DNAH17: variants seen among roughly 807,000 people sequenced by gnomAD.
DNAH17 encodes the protein axonemal beta dynein heavy chain 17.
Under a neutral mutation model 485.6 loss-of-function variants are expected in DNAH17, and 376 were observed. The ratio of observed to expected loss-of-function variants is 0.77; its 90% confidence interval spans 0.71 to 0.84. DNAH17 has a LOEUF of 0.84. Among genes scored for constraint, DNAH17 ranks in the 40% least tolerant of loss-of-function variants. The pLI, the probability that DNAH17 is intolerant of heterozygous loss-of-function variation, is 0.00. For missense variants in DNAH17, 6,370 were observed against 5,839.3 expected, an observed-to-expected ratio of 1.09 and a Z score of -2.96; for synonymous variants, 3,031 against 2,405.9, an observed-to-expected ratio of 1.26 and a Z score of -7.60.
intron 70 of DNAH17, among the ~76,000 whole-genome samples, chr17:78,445,020 C>T (rs995679159): frequency 3.3e-5 from 5 of 152,126 alleles, no homozygotes; most frequent in Non-Finnish European, 2.9e-5. Flanking sequence ...GTCTAACCTG[C>T]GGACATGAGG....
intron 75 of DNAH17, among the ~76,000 whole-genome samples, chr17:78,432,365 G>A (rs922198216): frequency 7.3e-6 from 1 of 137,056 alleles, no homozygotes; most frequent in Non-Finnish European, 1.6e-5. Flanking sequence ...GAAATGTCCG[G>A]CCGGCACCCT....
intron 13 of DNAH17, among the ~76,000 whole-genome samples, chr17:78,559,951 C>T (rs753953953): frequency 6.6e-6 from 1 of 152,194 alleles, no homozygotes; most frequent in Non-Finnish European, 1.5e-5. Context: ...TGACCTCCCA[C>T]AAGTCTCTGC....
At chr17:78,530,563 G>C (rs574818372) in intron 20 of DNAH17, 51 bp from the exon 21 acceptor site, 603 of 1,562,190 alleles carry the variant, frequency 3.9e-4, no homozygotes, top group Non-Finnish European at 4.9e-4. Context: ...GCCTAGGGGG[G>C]GCGTCAGCAC....
At chr17:78,440,949 TGTGAA>T in intron 72 of DNAH17, 97 bp downstream of exon 72, 1 of 1,391,058 alleles carries the variant, frequency 7.2e-7, no homozygotes, top group Non-Finnish European at 9.9e-7. Context: ...GCGTCTTGGG[TGTGAA>T]GTGGTGTCTC....
intron 60 of DNAH17, 25 bp from the exon 61 acceptor site, chr17:78,459,233 AGTC>A: frequency 6.2e-7 from 1 of 1,608,758 alleles, no homozygotes; most frequent in Middle Eastern, 1.7e-4. Context: ...AGAGGGCCGG[AGTC>A]GTCACCCTGT....
At chr17:78,576,916 ACAATAGGG>A (rs1598759705) in intron 1 of DNAH17, among the ~76,000 whole-genome samples, 3 of 152,148 alleles carry the variant, frequency 2.0e-5, no homozygotes, top group Non-Finnish European at 4.4e-5. Flanking sequence ...GTCCCAGTTA[ACAATAGGG>A]TTGTCCCAGG....
chr17:78,445,365 G>C (rs1046670317), intron 70 of DNAH17, among the ~76,000 whole-genome samples, 193 bp downstream of exon 70: 1 of 152,160 alleles, frequency 6.6e-6, no homozygotes, highest in Admixed American at 6.5e-5. Flanking sequence ...ATTCCCTATA[G>C]GAACGCAGAG....
In DNAH17 at chr17:78,499,077, C is replaced by G. The variant is rs749991871; in HGVS notation, c.5676G>C (p.Thr1892=). The G allele has an allele frequency of 2.5e-6, 4 of 1,607,990 alleles. No individual in the cohort carries two copies. The East Asian group carries it at 9.0e-5, about 36-fold the overall frequency. Residue 1892 remains threonine (T), a synonymous_variant, in exon 37 of 81, where the codon ACG becomes ACC. Coordinates refer to ENST00000389840, the MANE Select transcript of DNAH17 (RefSeq NM_173628.4). ...CGNIYKGLAQ[T]GAWGCFDEFN... ...ACTCGTCAAAGCAGCCCCAGGCTCC[C>G]GTCTGGGCCAGGCCCTTGTAGATAT...
At chr17:78,541,524 G>A (rs1223171951) in intron 17 of DNAH17, among the ~76,000 whole-genome samples, 2 of 151,898 alleles carry the variant, frequency 1.3e-5, no homozygotes, top group African/African-American at 4.8e-5. Flanking sequence ...GAAGACTTGG[G>A]CTCAAATAAC....
intron 65 of DNAH17, 41 bp downstream of exon 65, chr17:78,453,302 A>G: frequency 1.9e-6 from 3 of 1,606,186 alleles, no homozygotes; most frequent in East Asian, 2.2e-5. Flanking sequence ...GGGCCTGAAG[A>G]TGTTTACCTG....
Position 78,429,271 on chromosome 17 carries a change from A to G in DNAH17, c.12255T>C (p.Phe4085=), listed in dbSNP as rs764444008. Residue 4085 remains phenylalanine (F), a synonymous_variant, in exon 76 of 81, where the codon TTT becomes TTC. Coordinates refer to ENST00000389840, the MANE Select transcript of DNAH17 (RefSeq NM_173628.4). ...TGTGGCCGCCATACATGATTTCACC[A>G]AAAAGGTAGCGGAGATCGTCCCAGG... ...KVPWDDLRYL[F]GEIMYGGHIT... is the part of the protein sequence containing the mutation. 9 of 1,613,744 alleles carry G rather than the reference A, an allele frequency of 5.6e-6. No homozygotes were observed. Among genetic ancestry groups the G allele is most frequent in the Non-Finnish European group, 7.6e-6 (9 of 1,179,870 alleles).
chr17:78,449,746 T>C, intron 68 of DNAH17, 162 bp from the exon 69 acceptor site: 1 of 662,334 alleles, frequency 1.5e-6, no homozygotes, highest in South Asian at 1.9e-5. Context: ...GGCGTGATCT[T>C]GGCTCACTGC....
Position 78,462,903 on chromosome 17 carries a change from C to A in DNAH17, c.9115G>T (p.Val3039Phe). 1 of 1,614,020 alleles carries A rather than the reference C, an allele frequency of 6.2e-7. No individual in the cohort carries two copies. The highest frequency in any genetic ancestry group is 1.3e-5 in the African/African-American group (1 of 75,046). Residue 3039 changes from valine (V) to phenylalanine (F), a missense_variant, in exon 57 of 81, where the codon GTT becomes TTT. Physicochemically the swap from Val to Phe is conservative, Grantham distance 50 (BLOSUM62 -1). Transcript: ENST00000389840. Reference protein sequence around the residue: ...NLLAKKRTELVAKIERLENGL... With the variant: ...NLLAKKRTELFAKIERLENGL... The stretch of plus-strand genomic sequence containing the variant: ...TTCTCCAGCCTCTCGATTTTGGCAA[C>A]AAGTTCCGTTCTCTTCTTGGCCAGC...
intron 69 of DNAH17, 115 bp downstream of exon 69, chr17:78,449,299 T>C: frequency 8.9e-7 from 1 of 1,127,434 alleles, no homozygotes. Context: ...AATGCGGGTT[T>C]GAAATCACCA....
At chr17:78,505,998 AATAAG>A (rs1020673215) in intron 30 of DNAH17, among the ~76,000 whole-genome samples, 2 of 151,990 alleles carry the variant, frequency 1.3e-5, no homozygotes, top group Non-Finnish European at 2.9e-5. Flanking sequence ...AAAATTAATA[AATAAG>A]ATTTCTTCTT....
At chr17:78,573,856 T>G (rs1181021693) in intron 2 of DNAH17, among the ~76,000 whole-genome samples, 1 of 152,106 alleles carries the variant, frequency 6.6e-6, no homozygotes, top group African/African-American at 2.4e-5. Flanking sequence ...CACAGGCCCC[T>G]GTACTGCAGA....
In DNAH17 at chr17:78,454,457, C is replaced by T. The variant is rs754423326; in HGVS notation, c.10406+13G>A. Reference sequence around the variant, plus strand: ...GAGCCGGGCTTCGGCCCAGGTCCTGCGCCCGCACACACCTCTTCTGTCCCA... The same window carrying T: ...GAGCCGGGCTTCGGCCCAGGTCCTGTGCCCGCACACACCTCTTCTGTCCCA... On this transcript the variant is annotated intron_variant, in intron 64 of 80. Coordinates refer to ENST00000389840, the MANE Select transcript of DNAH17 (RefSeq NM_173628.4). 18 of 1,600,284 alleles carry T rather than the reference C, an allele frequency of 1.1e-5. No individual in the cohort carries two copies. In the East Asian group the frequency reaches 1.3e-4, roughly 12 times the overall value.
At chr17:78,533,756 C>A (rs923730064) in intron 19 of DNAH17, among the ~76,000 whole-genome samples, 1 of 152,148 alleles carries the variant, frequency 6.6e-6, no homozygotes, top group African/African-American at 2.4e-5. Context: ...CCGATCTCAG[C>A]TCACTACACC....
Position 78,505,329 on chromosome 17 carries a change from G to A in DNAH17, c.4920C>T (p.Tyr1640=), listed in dbSNP as rs779885889. 28 of 1,613,820 alleles carry A rather than the reference G, an allele frequency of 1.7e-5. No individual in the cohort carries two copies. Among genetic ancestry groups the A allele is most frequent in the Non-Finnish European group, 2.2e-5 (26 of 1,179,888 alleles). ...GLGMYSKEDE[Y]MVFDQECDLS... is the part of the protein sequence containing the mutation. ...GGTCGCATTCCTGATCAAAAACCAT[G>A]TACTCGTCCTCCTTGCTGTACATTC... The change falls in exon 31 of 81, where the codon TAC becomes TAT. Residue 1640 remains tyrosine, a synonymous_variant. Coordinates refer to ENST00000389840, the MANE Select transcript of DNAH17 (RefSeq NM_173628.4).
Sources: gnomAD v4.1 joint callset for allele counts (sites outside exome capture counted in the v4.1 genomes callset) on GRCh38, gnomAD v4.1.1 for gene constraint, MANE v1.5 for transcripts, NCBI Gene and HGNC (gene_info 2026-07-23, HGNC 2026-07-21) for gene names.